GALNT17: variants seen among roughly 807,000 people sequenced by gnomAD.
GALNT17 encodes the protein UDP-GalNAc:polypeptide N-acetylgalactosaminyltransferase-like 3.
GALNT17 carries 29 observed loss-of-function variants against 63.7 expected under a neutral mutation model. That is an observed-to-expected ratio of 0.46 (90% confidence interval 0.34 to 0.62). The LOEUF is 0.62. Ranked by LOEUF, GALNT17 falls within the 20% of genes least tolerant of loss-of-function variation. The probability of loss-of-function intolerance (pLI) is 0.01; values close to 1 mark genes in which losing one functional copy is unlikely to be tolerated. For missense variants in GALNT17, 603 were observed against 799.6 expected, an observed-to-expected ratio of 0.75 and a Z score of 2.97; for synonymous variants, 305 against 318.3, an observed-to-expected ratio of 0.96 and a Z score of 0.45.
intron 5 of GALNT17, among the ~76,000 whole-genome samples, chr7:71,452,724 G>C (rs918327500): frequency 1.3e-5 from 2 of 152,170 alleles, no homozygotes; most frequent in African/African-American, 4.8e-5. Context: ...AGCAGAGCAG[G>C]GGGTGACTCT....
intron 9 of GALNT17, among the ~76,000 whole-genome samples, chr7:71,706,014 G>A (rs1388907747): frequency 6.6e-6 from 1 of 152,180 alleles, no homozygotes; most frequent in Non-Finnish European, 1.5e-5. Context: ...ACATTTGGTT[G>A]ACAGCAGATC....
chr7:71,275,282 T>G (rs1250390360), intron 1 of GALNT17, among the ~76,000 whole-genome samples: 2 of 152,122 alleles, frequency 1.3e-5, no homozygotes, highest in Non-Finnish European at 2.9e-5. Flanking sequence ...GAAATGCAAA[T>G]TCCCAAGATG....
chr7:71,290,034 G>C (rs1038801245), intron 1 of GALNT17, among the ~76,000 whole-genome samples: 2 of 152,144 alleles, frequency 1.3e-5, no homozygotes, highest in Non-Finnish European at 2.9e-5. Flanking sequence ...AACGAAGCAA[G>C]ACTGTCTCAA....
At chr7:71,460,197 G>C (rs1440055466) in intron 5 of GALNT17, among the ~76,000 whole-genome samples, 3 of 152,092 alleles carry the variant, frequency 2.0e-5, no homozygotes, top group African/African-American at 4.8e-5. Flanking sequence ...GTGTTTTACA[G>C]AGTTCAACTC....
intron 9 of GALNT17, 121 bp from the exon 10 acceptor site, chr7:71,710,639 TG>T: frequency 8.9e-7 from 1 of 1,122,756 alleles, no homozygotes; most frequent in Non-Finnish European, 1.3e-6. Context: ...GCTGGGATGG[TG>T]GCCAGGACTG....
chr7:71,569,464 G>A (rs1041273612), intron 5 of GALNT17, among the ~76,000 whole-genome samples: 9 of 152,142 alleles, frequency 5.9e-5, no homozygotes, highest in Admixed American at 2.6e-4. Context: ...AGTGACTATT[G>A]TTACCATCTT....
intron 5 of GALNT17, among the ~76,000 whole-genome samples, chr7:71,510,400 A>G (rs1218669132): frequency 6.6e-6 from 1 of 152,136 alleles, no homozygotes; most frequent in Non-Finnish European, 1.5e-5. Context: ...AGCCCTAGAC[A>G]ATCACTAATG....
intron 5 of GALNT17, among the ~76,000 whole-genome samples, chr7:71,508,247 G>A (rs898702148): frequency 3.3e-5 from 5 of 152,184 alleles, no homozygotes; most frequent in African/African-American, 1.2e-4. Context: ...TCCACCGTAA[G>A]CGTGTGACAT....
At chr7:71,209,553 C>A (rs1789337266) in intron 1 of GALNT17, among the ~76,000 whole-genome samples, 1 of 152,052 alleles carries the variant, frequency 6.6e-6, no homozygotes, top group South Asian at 2.1e-4. Flanking sequence ...GGCTAGACTG[C>A]ATTGTGATCA....
intron 5 of GALNT17, among the ~76,000 whole-genome samples, chr7:71,474,456 A>G (rs1378606186): frequency 1.3e-5 from 2 of 152,122 alleles, no homozygotes; most frequent in Non-Finnish European, 2.9e-5. Flanking sequence ...CGCCCCTGAC[A>G]TTGTGTCACA....
At position 71,520,350 on chromosome 7, in the gene GALNT17, C is replaced by G. The variant is rs143722322; in HGVS notation, c.963-50935C>G. On this transcript the variant is annotated intron_variant, in intron 5 of 10. Coordinates refer to ENST00000333538, the MANE Select transcript of GALNT17 (RefSeq NM_022479.3). ...ACTAGCCTGGCCAAGATAGTGAAACCTTGTCTCTACTAAAAACACAAAATT... is the reference window on the plus strand; with the variant it reads ...ACTAGCCTGGCCAAGATAGTGAAACGTTGTCTCTACTAAAAACACAAAATT... Among the ~76,000 whole-genome samples the G allele has an allele frequency of 9.5e-3, 1,446 of 152,208 alleles. 17 individuals carry two copies. The highest frequency in any genetic ancestry group is 0.064 in the South Asian group (306 of 4,810).
At chr7:71,252,414 A>G (rs1790215425) in intron 1 of GALNT17, among the ~76,000 whole-genome samples, 1 of 151,848 alleles carries the variant, frequency 6.6e-6, no homozygotes, top group African/African-American at 2.4e-5. Flanking sequence ...AGTCCCAGCT[A>G]CTCGGGAGGC....
chr7:71,208,335 C>T (rs1448882126), intron 1 of GALNT17, among the ~76,000 whole-genome samples: 1 of 152,036 alleles, frequency 6.6e-6, no homozygotes. Flanking sequence ...GCCTCCCATT[C>T]ACAGATTACT....
intron 1 of GALNT17, among the ~76,000 whole-genome samples, chr7:71,326,968 T>C (rs1791716130): frequency 6.6e-6 from 1 of 152,226 alleles, no homozygotes; most frequent in Admixed American, 6.5e-5. Flanking sequence ...CTTTTCCTAT[T>C]AGATGCTTTC....
chr7:71,353,134 A>G (rs887978203), intron 2 of GALNT17, among the ~76,000 whole-genome samples: 1 of 152,152 alleles, frequency 6.6e-6, no homozygotes, highest in Non-Finnish European at 1.5e-5. Context: ...TGTTCCTTAT[A>G]AAATTCCCAT....
In GALNT17 at chr7:71,159,059, AC is replaced by A. The variant is rs1218212559; in HGVS notation, c.238+26022del. 7.9e-5 allele frequency among the ~76,000 whole-genome samples: 12 copies of A among 151,810 alleles called. 1 individual carries two copies. Among genetic ancestry groups the A allele is most frequent in the African/African-American group, 2.9e-4 (12 of 41,162 alleles). On this transcript the variant is annotated intron_variant, in intron 1 of 10. Transcript: ENST00000333538. ...TGATCTCATGCTTTTACAAGCTAAT[AC>A]CCTCTGTCTTTTTTCTCACATCCAA...
At chr7:71,539,278 G>A (rs1420677022) in intron 5 of GALNT17, among the ~76,000 whole-genome samples, 4 of 152,032 alleles carry the variant, frequency 2.6e-5, no homozygotes, top group Non-Finnish European at 5.9e-5. Context: ...CTCTCTGGGC[G>A]CTTGGCATGG....
intron 5 of GALNT17, among the ~76,000 whole-genome samples, chr7:71,540,656 A>C (rs150806447): frequency 0.012 from 1,839 of 152,182 alleles, 16 homozygotes; most frequent in Middle Eastern, 0.024. Context: ...TTAAATGTAT[A>C]TTTTATTACA....
At chr7:71,594,289 ATTAT>A (rs1454642373) in intron 6 of GALNT17, among the ~76,000 whole-genome samples, 2 of 151,906 alleles carry the variant, frequency 1.3e-5, no homozygotes, top group African/African-American at 4.8e-5. Context: ...AAGAACCAGG[ATTAT>A]TTATTTATTT....
Sources: gnomAD v4.1 joint callset for allele counts (sites outside exome capture counted in the v4.1 genomes callset) on GRCh38, gnomAD v4.1.1 for gene constraint, MANE v1.5 for transcripts, NCBI Gene and HGNC (gene_info 2026-07-23, HGNC 2026-07-21) for gene names.